ZNF438: variants seen among roughly 807,000 people sequenced by gnomAD.
The protein encoded by ZNF438 is zinc finger protein 438.
A neutral mutation model predicts 38.0 loss-of-function variants in ZNF438; 25 were observed. The observed-to-expected ratio is 0.66, with a 90% CI of 0.48 to 0.92. ZNF438 has a LOEUF of 0.92. ZNF438 is among the 40% of genes least tolerant of loss of function. The pLI is 0.00. For synonymous variants in ZNF438, 372 were observed against 364.1 expected, an observed-to-expected ratio of 1.02 and a Z score of -0.25; for missense variants, 1,007 against 999.6, an observed-to-expected ratio of 1.01 and a Z score of -0.10.
chr10:30,927,857 T>A (rs1486026099), intron 2 of ZNF438, among the ~76,000 whole-genome samples: 1 of 143,696 alleles, frequency 7.0e-6, no homozygotes. Flanking sequence ...TAACTTAAAA[T>A]TCTTGACCTC....
chr10:30,955,453 C>T (rs907553584), intron 1 of ZNF438, among the ~76,000 whole-genome samples: 8 of 152,302 alleles, frequency 5.3e-5, no homozygotes, highest in East Asian at 1.9e-4. Flanking sequence ...GGCTTTAAGA[C>T]GCTGGCAGCG....
At chr10:30,896,664 G>C (rs2041390178) in intron 3 of ZNF438, among the ~76,000 whole-genome samples, 1 of 152,100 alleles carries the variant, frequency 6.6e-6, no homozygotes, top group African/African-American at 2.4e-5. Flanking sequence ...GTGGGGAGGA[G>C]GGGAGGCCGG....
intron 1 of ZNF438, among the ~76,000 whole-genome samples, chr10:31,013,071 G>A (rs1041316830): frequency 6.6e-6 from 1 of 152,188 alleles, no homozygotes; most frequent in African/African-American, 2.4e-5. Flanking sequence ...TGTAATCCCA[G>A]CACTTTGGGA....
intron 4 of ZNF438, 91 bp downstream of exon 5, chr10:30,876,907 G>A: frequency 1.1e-6 from 1 of 891,194 alleles, no homozygotes; most frequent in Non-Finnish European, 1.6e-6. Flanking sequence ...TAGGAAATAA[G>A]TTACCTTATG....
exon 5 of ZNF438, chr10:30,850,120 A>C: frequency 6.2e-7 from 1 of 1,614,156 alleles, no homozygotes; most frequent in Non-Finnish European, 8.5e-7. Context: ...GTGGCAGAGC[A>C]ACAAGAGAAA....
At chr10:30,908,263 T>C (rs1273300185) in intron 3 of ZNF438, among the ~76,000 whole-genome samples, 1 of 152,236 alleles carries the variant, frequency 6.6e-6, no homozygotes, top group African/African-American at 2.4e-5. Flanking sequence ...CAATCCTTTT[T>C]ACATGTATTG....
At chr10:30,857,098 C>T (rs1049268932) in intron 4 of ZNF438, among the ~76,000 whole-genome samples, 3 of 152,224 alleles carry the variant, frequency 2.0e-5, no homozygotes, top group African/African-American at 7.2e-5. Flanking sequence ...CTGTCCCACT[C>T]CAATTTGAAG....
At chr10:30,980,869 A>G (rs1266152654) in intron 1 of ZNF438, among the ~76,000 whole-genome samples, 1 of 152,222 alleles carries the variant, frequency 6.6e-6, no homozygotes, top group Non-Finnish European at 1.5e-5. Flanking sequence ...TTATGTCTAC[A>G]AACTATGAAG....
At chr10:30,999,085 G>A (rs1254779457) in intron 1 of ZNF438, among the ~76,000 whole-genome samples, 7 of 151,832 alleles carry the variant, frequency 4.6e-5, no homozygotes, top group Non-Finnish European at 4.4e-5. Flanking sequence ...TTATCCAAGC[G>A]GTTCCCAAAT....
intron 1 of ZNF438, among the ~76,000 whole-genome samples, chr10:30,951,954 G>A (rs1460579455): frequency 6.6e-6 from 1 of 151,318 alleles, no homozygotes; most frequent in African/African-American, 2.4e-5. Flanking sequence ...TCAATCCTAA[G>A]CCAAAAGAAC....
chr10:30,925,730 C>A (rs1258762568), intron 2 of ZNF438, among the ~76,000 whole-genome samples: 2 of 152,108 alleles, frequency 1.3e-5, no homozygotes, highest in Non-Finnish European at 2.9e-5. Flanking sequence ...TCAGAAGCAG[C>A]AGGTAAGGTA....
intron 4 of ZNF438, among the ~76,000 whole-genome samples, chr10:30,851,934 G>A (rs184321693): frequency 4.5e-4 from 68 of 152,022 alleles, no homozygotes; most frequent in African/African-American, 1.5e-3. Context: ...TGAGATGGGC[G>A]GATCACTTGA....
At chr10:30,965,737 T>C (rs1027755740) in intron 1 of ZNF438, among the ~76,000 whole-genome samples, 5 of 151,968 alleles carry the variant, frequency 3.3e-5, no homozygotes, top group Non-Finnish European at 5.9e-5. Flanking sequence ...ATGGCAGCAA[T>C]AGACACCGGG....
At chr10:30,882,861 C>G (rs745664241) in intron 3 of ZNF438, among the ~76,000 whole-genome samples, 1 of 151,980 alleles carries the variant, frequency 6.6e-6, no homozygotes, top group Non-Finnish European at 1.5e-5. Flanking sequence ...GTATGCCAAT[C>G]GTATCCTAAT....
At chr10:30,967,134 T>C (rs2050208229) in intron 1 of ZNF438, among the ~76,000 whole-genome samples, 3 of 152,230 alleles carry the variant, frequency 2.0e-5, no homozygotes, top group Admixed American at 6.5e-5. Flanking sequence ...GTAAATTAGC[T>C]GCTGACCCAT....
chr10:30,979,027 C>A (rs1260044718), intron 1 of ZNF438, among the ~76,000 whole-genome samples: 2 of 152,234 alleles, frequency 1.3e-5, no homozygotes, highest in Admixed American at 6.5e-5. Flanking sequence ...TAAATCTACA[C>A]TACTCTGTAA....
intron 2 of ZNF438, chr10:30,920,074 T>C (rs1031320247): frequency 7.9e-5 from 12 of 152,288 alleles, no homozygotes; most frequent in Non-Finnish European, 1.8e-4. Context: ...TCTTTCTTTC[T>C]CTTCCTCTCC....
chr10:30,891,722 T>C (rs2040709340), intron 3 of ZNF438, among the ~76,000 whole-genome samples: 1 of 152,166 alleles, frequency 6.6e-6, no homozygotes, highest in South Asian at 2.1e-4. Context: ...CCATAGTGCA[T>C]TTTAGTTAAG....
chr10:30,961,164 T>C (rs1236450686), intron 1 of ZNF438, among the ~76,000 whole-genome samples: 1 of 143,460 alleles, frequency 7.0e-6, no homozygotes, highest in African/African-American at 2.5e-5. Context: ...AAAAAAAAAG[T>C]TTTTTTTACA....
Sources: gnomAD v4.1 joint callset for allele counts (sites outside exome capture counted in the v4.1 genomes callset) on GRCh38, gnomAD v4.1.1 for gene constraint, MANE v1.5 for transcripts, NCBI Gene and HGNC (gene_info 2026-07-23, HGNC 2026-07-21) for gene names.